RNF220: variants seen among roughly 807,000 people sequenced by gnomAD.
RNF220 encodes the protein E3 ubiquitin-protein ligase RNF220.
RNF220 carries 7 observed loss-of-function variants against 67.1 expected under a neutral mutation model. The observed-to-expected ratio is 0.10, with a 90% CI of 0.06 to 0.20. The LOEUF (loss-of-function observed/expected upper bound fraction) is 0.20. Ranked by LOEUF, RNF220 falls within the 10% of genes least tolerant of loss-of-function variation. The pLI, the probability that RNF220 is intolerant of heterozygous loss-of-function variation, is 1.00. For synonymous variants in RNF220, 270 were observed against 283.2 expected (o/e 0.95, Z 0.47); for missense variants, 565 against 740.3 (o/e 0.76, Z 2.75).
intron 2 of RNF220, among the ~76,000 whole-genome samples, chr1:44,505,762 C>T (rs1030960275): frequency 1.3e-5 from 2 of 152,152 alleles, no homozygotes; most frequent in Non-Finnish European, 2.9e-5. Context: ...ACATTCTCCC[C>T]ACGGCAGGAG....
intron 2 of RNF220, chr1:44,423,831 A>T (rs1264605543): frequency 2.0e-6 from 2 of 985,224 alleles, no homozygotes; most frequent in Non-Finnish European, 2.4e-6. Context: ...CTCAGGCTTG[A>T]CTTTCGCGAG....
chr1:44,563,326 CT>C (rs1663732873), intron 2 of RNF220, among the ~76,000 whole-genome samples: 2 of 152,210 alleles, frequency 1.3e-5, no homozygotes, highest in Admixed American at 6.5e-5. Flanking sequence ...GGTGGCCCCC[CT>C]GCTTCAGGAG....
intron 5 of RNF220, 42 bp downstream of exon 5, chr1:44,626,440 T>C: frequency 6.6e-7 from 1 of 1,505,952 alleles, no homozygotes; most frequent in Non-Finnish European, 9.2e-7. Flanking sequence ...CAAGCTCACC[T>C]GGGGGAGGGC....
At chr1:44,485,277 C>A (rs1250577021) in intron 2 of RNF220, among the ~76,000 whole-genome samples, 1 of 152,148 alleles carries the variant, frequency 6.6e-6, no homozygotes, top group African/African-American at 2.4e-5. Flanking sequence ...CTATTCTCTC[C>A]CTCCCCCCAA....
Position 44,624,702 on chromosome 1 carries a change from G to T in RNF220, c.805-1595G>T, listed in dbSNP as rs1348823481. 6.6e-6 allele frequency among the ~76,000 whole-genome samples: 1 copy of T among 152,254 alleles called. No individual in the cohort carries two copies. Among genetic ancestry groups the T allele is most frequent in the Non-Finnish European group, 1.5e-5 (1 of 68,008 alleles). On this transcript the variant is annotated intron_variant, in intron 4 of 14. Coordinates refer to ENST00000361799, the MANE Select transcript of RNF220 (RefSeq NM_018150.4). This position sits in a 1 kb window ranked among gnomAD's most constrained non-coding sequence, Gnocchi z 4.2. ...GAGGGAGGGAGGAGGAGGAGAGGGCGAGGGGGCCTTAGACAAGATTGATGG... is the reference window on the plus strand; with the variant it reads ...GAGGGAGGGAGGAGGAGGAGAGGGCTAGGGGGCCTTAGACAAGATTGATGG...
In RNF220 at chr1:44,575,474, A is replaced by G. The variant is rs550900597; in HGVS notation, c.626-38691A>G. 2.6e-4 allele frequency among the ~76,000 whole-genome samples: 40 copies of G among 152,306 alleles called. No homozygotes were observed. In the South Asian group the frequency reaches 7.3e-3, roughly 28 times the overall value. On this transcript the variant is annotated intron_variant, in intron 2 of 14. Coordinates refer to ENST00000361799, the MANE Select transcript of RNF220 (RefSeq NM_018150.4). ...AGTGCTGCAATAAACATGGGAGTCA[A>G]GTACGGTGGGCAAAGGACATGAACA...
intron 2 of RNF220, among the ~76,000 whole-genome samples, chr1:44,470,254 T>G (rs1169838732): frequency 2.6e-5 from 4 of 152,338 alleles, no homozygotes; most frequent in East Asian, 3.9e-4. Flanking sequence ...ATGTCAATAA[T>G]GCTTCCTAAG....
chr1:44,638,539 C>G (rs949544361), intron 8 of RNF220: 6 of 152,270 alleles, frequency 3.9e-5, no homozygotes, highest in Admixed American at 2.6e-4. Context: ...ACCCCCATCC[C>G]TCCTCCCAGA....
chr1:44,615,912 A>G (rs780532506), intron 3 of RNF220, among the ~76,000 whole-genome samples: 34 of 152,214 alleles, frequency 2.2e-4, no homozygotes, highest in Non-Finnish European at 1.5e-5. Context: ...AGTAGTGGCT[A>G]CTGGCTGGGA....
intron 2 of RNF220, among the ~76,000 whole-genome samples, chr1:44,566,014 C>T (rs1020993615): frequency 6.6e-6 from 1 of 152,188 alleles, no homozygotes; most frequent in Non-Finnish European, 1.5e-5. Flanking sequence ...GAGGGGCACA[C>T]GCTGCCCATA....
chr1:44,541,740 A>G (rs1049017122), intron 2 of RNF220, among the ~76,000 whole-genome samples: 5 of 152,208 alleles, frequency 3.3e-5, no homozygotes, highest in South Asian at 2.1e-4. Context: ...AGTTCTAGAC[A>G]GCCACAAGTC....
intron 2 of RNF220, among the ~76,000 whole-genome samples, chr1:44,424,931 A>G (rs1222070263): frequency 2.6e-5 from 4 of 152,172 alleles, no homozygotes; most frequent in Non-Finnish European, 4.4e-5. Flanking sequence ...GGGGCTGGAG[A>G]GGGTTTGGTG....
At chr1:44,454,495 G>C (rs1652983385) in intron 2 of RNF220, among the ~76,000 whole-genome samples, 1 of 151,674 alleles carries the variant, frequency 6.6e-6, no homozygotes, top group African/African-American at 2.4e-5. Context: ...ATTTACCTGT[G>C]TATTTTCTCT....
chr1:44,549,114 G>A (rs1383101321), intron 2 of RNF220, among the ~76,000 whole-genome samples: 2 of 152,138 alleles, frequency 1.3e-5, no homozygotes, highest in African/African-American at 4.8e-5. Context: ...TTGAACCCAG[G>A]AGATGGAGGC....
At chr1:44,522,427 T>C (rs543543021) in intron 2 of RNF220, among the ~76,000 whole-genome samples, 1 of 152,302 alleles carries the variant, frequency 6.6e-6, no homozygotes, top group African/African-American at 2.4e-5. Flanking sequence ...CCATACCTAT[T>C]AGAAGAAGCA....
chr1:44,463,918 GAC>G (rs892496135), intron 2 of RNF220, among the ~76,000 whole-genome samples: 20 of 152,338 alleles, frequency 1.3e-4, no homozygotes, highest in African/African-American at 4.8e-4. Flanking sequence ...CTAGAATGGA[GAC>G]AGTTGAAGAG....
intron 8 of RNF220, among the ~76,000 whole-genome samples, chr1:44,642,911 C>T (rs953896644): frequency 6.6e-6 from 1 of 152,200 alleles, no homozygotes; most frequent in Non-Finnish European, 1.5e-5. Flanking sequence ...CTGATAGCTA[C>T]ATTCTGATTG....
intron 2 of RNF220, among the ~76,000 whole-genome samples, chr1:44,428,659 T>C (rs1030606407): frequency 1.3e-5 from 2 of 152,058 alleles, no homozygotes; most frequent in African/African-American, 2.4e-5. Flanking sequence ...CAAACTGGCC[T>C]CCCTCTTTCC....
chr1:44,594,906 G>A (rs1455491198), intron 2 of RNF220, among the ~76,000 whole-genome samples: 3 of 152,172 alleles, frequency 2.0e-5, no homozygotes, highest in African/African-American at 7.2e-5. Flanking sequence ...CAAAAAAAGA[G>A]GGGGCTCTAC....
Sources: gnomAD v4.1 joint callset for allele counts (sites outside exome capture counted in the v4.1 genomes callset) on GRCh38, gnomAD v4.1.1 for gene constraint, Gnocchi (gnomAD v3.1) non-coding constraint, MANE v1.5 for transcripts, NCBI Gene and HGNC (gene_info 2026-07-23, HGNC 2026-07-21) for gene names.